Variants in TMEM245 observed in about 807,000 individuals in gnomAD.
The protein encoded by TMEM245 is transmembrane protein 245, also known as protein CG-2.
In TMEM245, 69 loss-of-function variants were observed where a neutral mutation model predicts 101.2. The observed-to-expected ratio is 0.68, with a 90% confidence interval of 0.56 to 0.83. TMEM245 has a LOEUF of 0.83. Among genes scored for constraint, TMEM245 ranks in the 40% least tolerant of loss-of-function variants. The pLI, the probability that TMEM245 is intolerant of heterozygous loss-of-function variation, is 0.00. For synonymous variants in TMEM245, 537 were observed against 449.8 expected (o/e 1.19, Z -2.45); for missense variants, 1,075 against 1,092.8 (o/e 0.98, Z 0.23).
At chr9:109,070,348 A>C (rs1829295663) in intron 9 of TMEM245, among the ~76,000 whole-genome samples, 1 of 152,206 alleles carries the variant, frequency 6.6e-6, no homozygotes, top group Admixed American at 6.5e-5. Context: ...TTTCCCTACC[A>C]AATCTGCTCT....
chr9:109,097,400 C>G (rs1389066035), intron 3 of TMEM245, among the ~76,000 whole-genome samples: 3 of 152,066 alleles, frequency 2.0e-5, no homozygotes, highest in Admixed American at 6.6e-5. Context: ...AGGTTGGGAC[C>G]AGGGCATAGA....
intron 7 of TMEM245, among the ~76,000 whole-genome samples, chr9:109,083,288 AAG>A (rs1829724177): frequency 6.6e-6 from 1 of 152,156 alleles, no homozygotes; most frequent in Non-Finnish European, 1.5e-5. Flanking sequence ...GAGAAACATA[AAG>A]AGAGGAAGCA....
rs528393376 is a variant in TMEM245 at position 109,110,282 on chromosome 9, T to G, written c.580-1712A>C. Reference sequence around the variant, plus strand: ...TGCCAGGCCCTATTCTAATGCTTTATGTATACTAACTCATTTGATCCTCAT... The same window carrying G: ...TGCCAGGCCCTATTCTAATGCTTTAGGTATACTAACTCATTTGATCCTCAT... On this transcript the variant is annotated intron_variant, in intron 1 of 17. Coordinates refer to ENST00000374586, the MANE Select transcript of TMEM245 (RefSeq NM_032012.4). Among the ~76,000 whole-genome samples, 41 of 152,314 alleles carry G rather than the reference T, an allele frequency of 2.7e-4. No homozygotes were observed. The Middle Eastern group carries it at 0.01, about 38-fold the overall frequency.
rs1318508947 is a variant in TMEM245, at chr9:109,085,048, G to A, written c.1344+949C>T. On this transcript the variant is annotated intron_variant, in intron 7 of 17. Transcript: ENST00000374586. ...AAAGACATATATATAGTTTTATTAT[G>A]TTTAAACACAACATATATAAATGAT... Among the ~76,000 whole-genome samples, 4 of 152,266 alleles carry A rather than the reference G, an allele frequency of 2.6e-5. No individual in the cohort carries two copies. In the South Asian group the frequency reaches 8.3e-4, roughly 32 times the overall value.
chr9:109,096,540 T>C (rs1429071344), intron 3 of TMEM245, among the ~76,000 whole-genome samples: 1 of 151,618 alleles, frequency 6.6e-6, no homozygotes, highest in Non-Finnish European at 1.5e-5. Flanking sequence ...ACAAACAAAC[T>C]GACCTACACC....
intron 14 of TMEM245, chr9:109,046,267 C>G: frequency 1.9e-6 from 1 of 534,512 alleles, no homozygotes; most frequent in South Asian, 1.4e-5. Flanking sequence ...GAGGCCGTGA[C>G]AACATGCAAC....
At chr9:109,042,727 G>A (rs1289431419) in intron 14 of TMEM245, among the ~76,000 whole-genome samples, 2 of 151,724 alleles carry the variant, frequency 1.3e-5, no homozygotes, top group Non-Finnish European at 2.9e-5. Flanking sequence ...TTTTTAGTAT[G>A]CGCACAATTT....
chr9:109,114,178 T>C lies in TMEM245; in HGVS notation c.579+5157A>G, dbSNP rs376407608. ...TCAAGCAGCAACTGCTTCAGGTCCTTAAATTATCCACTTAATTCTAATGTG... is the reference window on the plus strand; with the variant it reads ...TCAAGCAGCAACTGCTTCAGGTCCTCAAATTATCCACTTAATTCTAATGTG... On this transcript the variant is annotated intron_variant, in intron 1 of 17. Transcript: ENST00000374586. Among the ~76,000 whole-genome samples the C allele has an allele frequency of 2.2e-4, 33 of 152,324 alleles. No homozygotes were observed. The South Asian group carries it at 6.6e-3, about 31-fold the overall frequency.
intron 11 of TMEM245, 83 bp downstream of exon 11, chr9:109,060,271 G>A (rs1828969764): frequency 1.0e-6 from 1 of 979,458 alleles, no homozygotes; most frequent in Non-Finnish European, 1.5e-6. Flanking sequence ...AAATCCCACT[G>A]TGAATATAAT....
chr9:109,106,190 A>G (rs1035549859), intron 3 of TMEM245, among the ~76,000 whole-genome samples: 5 of 7,924 alleles, frequency 6.3e-4, no homozygotes, highest in Admixed American at 3.9e-3. Flanking sequence ...GTGCCACTGC[A>G]CTCCAGCCTG....
At position 109,036,397 on chromosome 9, in the gene TMEM245, AG is replaced by A; in HGVS notation, c.2225-18del. 6.4e-7 allele frequency: 1 copy of A among 1,565,328 alleles called. No homozygotes were observed. Among genetic ancestry groups the A allele is most frequent in the Non-Finnish European group, 8.6e-7 (1 of 1,161,334 alleles). ...CTGCTAATGCTGAAAAAAGAGTAAAAGAAAAACAACTTAACATCATCAGCAA... is the reference window on the plus strand; with the variant it reads ...CTGCTAATGCTGAAAAAAGAGTAAAAAAAAACAACTTAACATCATCAGCAA... On this transcript the variant is annotated intron_variant, in intron 15 of 17. Transcript: ENST00000374586.
chr9:109,021,647 T>G (rs531941545), intron 17 of TMEM245, among the ~76,000 whole-genome samples: 1 of 152,266 alleles, frequency 6.6e-6, no homozygotes, highest in South Asian at 2.1e-4. Context: ...CCTGAGTAGC[T>G]GGGACTACAG....
At chr9:109,059,627 G>A (rs1828947140) in intron 11 of TMEM245, among the ~76,000 whole-genome samples, 1 of 152,158 alleles carries the variant, frequency 6.6e-6, no homozygotes, top group Admixed American at 6.5e-5. Context: ...GTATGTTATA[G>A]TAAGCCAAGA....
intron 7 of TMEM245, among the ~76,000 whole-genome samples, chr9:109,082,967 G>A (rs1211757550): frequency 6.6e-6 from 1 of 152,102 alleles, no homozygotes; most frequent in East Asian, 1.9e-4. Context: ...AAGAAGCTAA[G>A]AAGTTGTTGT....
chr9:109,057,257 C>T lies in TMEM245; in HGVS notation c.1788G>A (p.Leu596=), dbSNP rs1828866853. The change falls in exon 12 of 18, where the codon CTG becomes CTA. Residue 596 remains leucine, a synonymous_variant. Transcript: ENST00000374586. ...TATCCTGCCAGTCCAGAATGTCTCC[C>T]AGCCAGCTATTCTGACGACTGACAT... ...KLHVSRQNSW[L]GDILDWQDIV... The T allele has an allele frequency of 6.2e-7, 1 of 1,613,990 alleles. No homozygotes were observed. Among genetic ancestry groups the T allele is most frequent in the Admixed American group, 1.7e-5 (1 of 60,010 alleles).
Position 109,050,563 on chromosome 9 carries a change from G to T in TMEM245, c.1977+7C>A. 1 of 1,613,878 alleles carries T rather than the reference G, an allele frequency of 6.2e-7. No homozygotes were observed. The highest frequency in any genetic ancestry group is 2.2e-5 in the East Asian group (1 of 44,860). On this transcript the variant is annotated splice_region_variant and intron_variant, in intron 13 of 17. Transcript: ENST00000374586. ...AATATGACGTGTACTTATCTATGTG[G>T]ACGTACCAGAGAGAGTACAAAATTG...
intron 3 of TMEM245, among the ~76,000 whole-genome samples, chr9:109,097,900 C>G (rs549109222): frequency 1.3e-5 from 2 of 152,292 alleles, no homozygotes; most frequent in Non-Finnish European, 1.5e-5. Context: ...GCCTGGGCGA[C>G]AGAGAGAGAT....
intron 14 of TMEM245, chr9:109,046,285 T>C (rs373868212): frequency 1.5e-5 from 8 of 534,304 alleles, no homozygotes; most frequent in Admixed American, 1.9e-5. Context: ...AACTTAGTAA[T>C]GTGCAATATC....
At chr9:109,097,482 C>G (rs1830172223) in intron 3 of TMEM245, among the ~76,000 whole-genome samples, 1 of 152,096 alleles carries the variant, frequency 6.6e-6, no homozygotes, top group South Asian at 2.1e-4. Context: ...AGAAGACTCC[C>G]CAGGTTCAAA....
Sources: allele counts gnomAD v4.1 joint callset (sites outside exome capture counted in the v4.1 genomes callset), GRCh38; gene constraint gnomAD v4.1.1; transcripts MANE v1.5; gene names NCBI Gene and HGNC (gene_info 2026-07-23, HGNC 2026-07-21).